RSRC1: variants seen among roughly 807,000 people sequenced by gnomAD.
RSRC1 encodes serine/Arginine-related protein 53.
In RSRC1, 39 loss-of-function variants were observed where a neutral mutation model predicts 49.1. That is an observed-to-expected ratio of 0.79 (90% CI 0.61 to 1.04). The LOEUF is 1.04. RSRC1 is among the 50% of genes least tolerant of loss of function. RSRC1 has a pLI of 0.00. For synonymous variants in RSRC1, 143 were observed against 130.8 expected (o/e 1.09, Z -0.63); for missense variants, 388 against 402.4 (o/e 0.96, Z 0.31).
At chr3:158,140,316 T>A (rs189566949) in intron 3 of RSRC1, among the ~76,000 whole-genome samples, 10 of 152,308 alleles carry the variant, frequency 6.6e-5, no homozygotes, top group Admixed American at 2.0e-4. Flanking sequence ...TTCCTAAAAA[T>A]TTTATTTTCC....
chr3:158,226,402 A>G (rs1343707978), intron 4 of RSRC1, among the ~76,000 whole-genome samples: 1 of 151,962 alleles, frequency 6.6e-6, no homozygotes, highest in Non-Finnish European at 1.5e-5. Context: ...CTAAGGCAAT[A>G]GCTTAGTAAT....
At chr3:158,368,337 C>A (rs547022102) in intron 6 of RSRC1, among the ~76,000 whole-genome samples, 17 of 152,284 alleles carry the variant, frequency 1.1e-4, no homozygotes, top group African/African-American at 4.1e-4. Context: ...CTCTGTAGAC[C>A]TGTAATTAGG....
At chr3:158,125,212 G>T (rs1715540190) in intron 3 of RSRC1, among the ~76,000 whole-genome samples, 1 of 151,284 alleles carries the variant, frequency 6.6e-6, no homozygotes. Flanking sequence ...AAGTCTTTCT[G>T]TTCTCTATTT....
intron 3 of RSRC1, among the ~76,000 whole-genome samples, chr3:158,146,559 A>G (rs577950953): frequency 1.4e-4 from 21 of 152,276 alleles, no homozygotes; most frequent in Middle Eastern, 3.4e-3. Context: ...TTTTGTGTCA[A>G]TGTACATCAG....
At chr3:158,512,282 G>A (rs1250600471) in intron 7 of RSRC1, among the ~76,000 whole-genome samples, 40 of 141,396 alleles carry the variant, frequency 2.8e-4, no homozygotes, top group East Asian at 2.0e-4. Flanking sequence ...ATCTTGAATT[G>A]ATTTTTGTAT....
At chr3:158,514,699 C>G (rs1462408041) in intron 7 of RSRC1, among the ~76,000 whole-genome samples, 4 of 151,834 alleles carry the variant, frequency 2.6e-5, no homozygotes, top group Admixed American at 2.0e-4. Flanking sequence ...GTTGATCTGT[C>G]TAATGTTGAC....
At chr3:158,447,884 A>G (rs557470970) in intron 6 of RSRC1, among the ~76,000 whole-genome samples, 1 of 152,042 alleles carries the variant, frequency 6.6e-6, no homozygotes, top group African/African-American at 2.4e-5. Context: ...TATATAATTA[A>G]TTATTTCTGG....
intron 3 of RSRC1, among the ~76,000 whole-genome samples, chr3:158,142,161 A>G (rs1252408013): frequency 3.3e-5 from 5 of 152,244 alleles, no homozygotes; most frequent in East Asian, 1.9e-4. Context: ...GAACTTAATC[A>G]TCATGATTTG....
chr3:158,453,012 T>C (rs1398233443), intron 6 of RSRC1, among the ~76,000 whole-genome samples: 2 of 152,128 alleles, frequency 1.3e-5, no homozygotes, highest in East Asian at 3.9e-4. Flanking sequence ...CTACATATGG[T>C]TATTTAACTT....
At chr3:158,283,775 A>G (rs1009406352) in intron 4 of RSRC1, among the ~76,000 whole-genome samples, 2 of 152,104 alleles carry the variant, frequency 1.3e-5, no homozygotes, top group Non-Finnish European at 2.9e-5. Context: ...CATTCTCCCA[A>G]TTGCCCTCCA....
chr3:158,518,633 A>G (rs1740738634), intron 7 of RSRC1, among the ~76,000 whole-genome samples: 1 of 152,000 alleles, frequency 6.6e-6, no homozygotes, highest in East Asian at 1.9e-4. Context: ...TCCCTCTCCA[A>G]TTTTACTTAA....
intron 4 of RSRC1, among the ~76,000 whole-genome samples, chr3:158,296,628 T>A (rs1727258204): frequency 6.6e-6 from 1 of 152,132 alleles, no homozygotes; most frequent in African/African-American, 2.4e-5. Flanking sequence ...TGATAAAGTA[T>A]AAAATAATTA....
chr3:158,249,488 A>G (rs1199637122), intron 4 of RSRC1, among the ~76,000 whole-genome samples: 2 of 152,164 alleles, frequency 1.3e-5, no homozygotes, highest in African/African-American at 2.4e-5. Context: ...TATGGTTTCT[A>G]TGAAACAATT....
At chr3:158,119,067 C>T (rs1347683380) in intron 1 of RSRC1, among the ~76,000 whole-genome samples, 1 of 152,140 alleles carries the variant, frequency 6.6e-6, no homozygotes, top group African/African-American at 2.4e-5. Context: ...TCATTTTTCT[C>T]CCCAAAATAA....
intron 5 of RSRC1, among the ~76,000 whole-genome samples, chr3:158,316,941 A>G (rs1728499043): frequency 1.3e-5 from 2 of 152,224 alleles, no homozygotes; most frequent in Admixed American, 6.5e-5. Context: ...ATTTAGTGCA[A>G]ATACCTTAGT....
intron 6 of RSRC1, among the ~76,000 whole-genome samples, chr3:158,386,038 G>A (rs1732947451): frequency 6.6e-6 from 1 of 152,000 alleles, no homozygotes. Context: ...CATTTTAGCA[G>A]TCATTGAAGA....
chr3:158,331,823 C>CT (rs200224265), intron 5 of RSRC1, among the ~76,000 whole-genome samples: 1,793 of 133,952 alleles, frequency 0.013, 46 homozygotes, highest in Admixed American at 0.075. Context: ...GTATAGTGGT[C>CT]TTTTTTTTTT....
At chr3:158,449,130 G>A (rs1736884471) in intron 6 of RSRC1, among the ~76,000 whole-genome samples, 1 of 151,108 alleles carries the variant, frequency 6.6e-6, no homozygotes, top group Non-Finnish European at 1.5e-5. Flanking sequence ...AAACATAATC[G>A]ATCTTTTGAG....
intron 5 of RSRC1, among the ~76,000 whole-genome samples, chr3:158,327,876 T>C (rs1042933013): frequency 6.6e-6 from 1 of 152,202 alleles, no homozygotes; most frequent in African/African-American, 2.4e-5. Context: ...TAAGTCTCTT[T>C]GTAGGTCTCT....
Sources: gnomAD v4.1 joint callset for allele counts (sites outside exome capture counted in the v4.1 genomes callset) on GRCh38, gnomAD v4.1.1 for gene constraint, MANE v1.5 for transcripts, NCBI Gene and HGNC (gene_info 2026-07-23, HGNC 2026-07-21) for gene names.